Variants in CADM2 observed in about 807,000 individuals in gnomAD.
The protein encoded by CADM2 is immunoglobulin superfamily member 4D.
In CADM2, 12 loss-of-function variants were observed where a neutral mutation model predicts 49.8. The observed-to-expected ratio is 0.24, with a 90% CI of 0.15 to 0.39. CADM2 has a LOEUF of 0.39. Ranked by LOEUF, CADM2 falls within the 10% of genes least tolerant of loss-of-function variation. CADM2 has a pLI of 1.00. For missense variants in CADM2, 378 were observed against 492.3 expected (o/e 0.77, Z 2.20); for synonymous variants, 214 against 175.4 (o/e 1.22, Z -1.74).
intron 3 of CADM2, among the ~76,000 whole-genome samples, chr3:85,872,762 T>C (rs911205811): frequency 5.3e-5 from 8 of 150,856 alleles, no homozygotes; most frequent in African/African-American, 1.9e-4. Context: ...GTACTATATA[T>C]CACAAGATAA....
At position 85,734,495 on chromosome 3, in the gene CADM2, T is replaced by TTA. The variant is rs1030702652; in HGVS notation, c.88+7958_88+7959dup. ...GCACTATGATAAGATACAATGGAGA[T>TTA]TATATATATATAATTTGACACATAC... On this transcript the variant is annotated intron_variant, in intron 2 of 9. Coordinates refer to ENST00000383699, the MANE Select transcript of CADM2 (RefSeq NM_001167675.2). Among the ~76,000 whole-genome samples the TTA allele has an allele frequency of 2.7e-5, 4 of 150,296 alleles. No individual in the cohort carries two copies. The East Asian group carries it at 5.8e-4, about 22-fold the overall frequency.
chr3:84,998,131 C>G (rs2220245), intron 1 of CADM2, among the ~76,000 whole-genome samples: 1 of 151,946 alleles, frequency 6.6e-6, no homozygotes, highest in East Asian at 1.9e-4. Context: ...TTGTTTCCCA[C>G]GAGGGTTCAT....
chr3:85,917,103 T>C (rs1168717018), intron 6 of CADM2, among the ~76,000 whole-genome samples: 6 of 151,984 alleles, frequency 3.9e-5, no homozygotes, highest in African/African-American at 9.7e-5. Flanking sequence ...AAAATTTTCT[T>C]CCATTCTGTA....
intron 1 of CADM2, among the ~76,000 whole-genome samples, chr3:85,051,846 C>A (rs1460866244): frequency 1.3e-5 from 2 of 151,936 alleles, no homozygotes; most frequent in African/African-American, 4.8e-5. Context: ...GGAAGTAAAG[C>A]TAAGAAATTA....
intron 1 of CADM2, among the ~76,000 whole-genome samples, chr3:85,696,398 A>G (rs566523978): frequency 3.9e-5 from 6 of 152,070 alleles, no homozygotes; most frequent in African/African-American, 1.4e-4. Context: ...TTATGCTTCC[A>G]GGTCTTACAT....
chr3:85,491,795 CA>C (rs552873196), intron 1 of CADM2, among the ~76,000 whole-genome samples: 1 of 151,236 alleles, frequency 6.6e-6, no homozygotes, highest in Non-Finnish European at 1.5e-5. Flanking sequence ...ACTAAAAATA[CA>C]AAAAAAATAG....
intron 1 of CADM2, among the ~76,000 whole-genome samples, chr3:85,602,269 C>T (rs1210972850): frequency 2.0e-5 from 3 of 151,656 alleles, no homozygotes; most frequent in Non-Finnish European, 4.4e-5. Flanking sequence ...ATCTTGATGA[C>T]TACCATAAAG....
intron 1 of CADM2, among the ~76,000 whole-genome samples, chr3:85,687,636 A>C (rs2066255122): frequency 6.6e-6 from 1 of 152,186 alleles, no homozygotes; most frequent in Admixed American, 6.5e-5. Flanking sequence ...TTTTCTACTT[A>C]TTGTAAGAGG....
At chr3:85,974,108 G>C (rs1726489056) in intron 8 of CADM2, among the ~76,000 whole-genome samples, 1 of 151,606 alleles carries the variant, frequency 6.6e-6, no homozygotes, top group Non-Finnish European at 1.5e-5. Flanking sequence ...TTGGGAGAGG[G>C]AAACACATAA....
At position 85,325,702 on chromosome 3, in the gene CADM2, A is replaced by AG. The variant is rs1414236125; in HGVS notation, c.61+366034_61+366035insG. 3.9e-3 allele frequency among the ~76,000 whole-genome samples: 596 copies of AG among 151,892 alleles called. 1 individual carries two copies. The highest frequency in any genetic ancestry group is 0.014 in the African/African-American group (571 of 41,436). On this transcript the variant is annotated intron_variant, in intron 1 of 9. Coordinates refer to ENST00000383699, the MANE Select transcript of CADM2 (RefSeq NM_001167675.2). ...CAAGACTCCATCAAAAAAAAAAAAA[A>AG]AAAAAAGTGTGAATAGTGGATGTCT...
chr3:85,682,502 G>C (rs1027135417), intron 1 of CADM2, among the ~76,000 whole-genome samples: 1 of 152,028 alleles, frequency 6.6e-6, no homozygotes, highest in Admixed American at 6.6e-5. Flanking sequence ...AAAGAAGCTA[G>C]TTTCAGTGGT....
intron 1 of CADM2, among the ~76,000 whole-genome samples, chr3:85,641,121 A>C (rs116280382): frequency 0.013 from 1,948 of 152,262 alleles, 36 homozygotes; most frequent in African/African-American, 0.044. Flanking sequence ...TGTCACAAAC[A>C]TGTTATTGTT....
In CADM2 at chr3:85,982,145, C is replaced by T. The variant is rs146902888; in HGVS notation, c.970+20498C>T. Among the ~76,000 whole-genome samples the T allele has an allele frequency of 2.0e-5, 3 of 151,728 alleles. No homozygotes were observed. The East Asian group carries it at 5.8e-4, about 30-fold the overall frequency. On this transcript the variant is annotated intron_variant, in intron 8 of 9. Transcript: ENST00000383699. ...TTTTCATATGCTTGTTAGCCACACA[C>T]ATGTCTGCTTTTGAGAATTATCTGT...
At chr3:85,855,847 C>G (rs942185942) in intron 3 of CADM2, among the ~76,000 whole-genome samples, 1 of 151,656 alleles carries the variant, frequency 6.6e-6, no homozygotes. Flanking sequence ...AGGATGGTCT[C>G]GATCTCCTGA....
intron 2 of CADM2, among the ~76,000 whole-genome samples, chr3:85,772,992 A>C (rs2070174581): frequency 6.6e-6 from 1 of 151,840 alleles, no homozygotes. Context: ...TTAGTTAGGT[A>C]AAGCTAGCTC....
intron 1 of CADM2, among the ~76,000 whole-genome samples, chr3:85,239,901 C>A (rs1308954508): frequency 6.6e-6 from 1 of 151,248 alleles, no homozygotes; most frequent in Admixed American, 6.6e-5. Flanking sequence ...TGGAAATATA[C>A]TTAAAAATTT....
At chr3:84,971,433 A>G (rs1575944571) in intron 1 of CADM2, among the ~76,000 whole-genome samples, 1 of 152,158 alleles carries the variant, frequency 6.6e-6, no homozygotes, top group Non-Finnish European at 1.5e-5. Context: ...TTGCTTTTTT[A>G]TCAACATAGA....
chr3:85,544,563 A>C (rs1209032786), intron 1 of CADM2, among the ~76,000 whole-genome samples: 1 of 152,102 alleles, frequency 6.6e-6, no homozygotes, highest in Non-Finnish European at 1.5e-5. Context: ...GGCGACAGAT[A>C]AAGACTCCGT....
chr3:85,578,491 A>C (rs2062707469), intron 1 of CADM2, among the ~76,000 whole-genome samples: 1 of 152,280 alleles, frequency 6.6e-6, no homozygotes. Flanking sequence ...AAAAATAAAT[A>C]GATCAAGACT....
Sources: gnomAD v4.1 joint callset for allele counts (sites outside exome capture counted in the v4.1 genomes callset) on GRCh38, gnomAD v4.1.1 for gene constraint, MANE v1.5 for transcripts, NCBI Gene and HGNC (gene_info 2026-07-23, HGNC 2026-07-21) for gene names.